The following ADAM12 variants were observed in gnomAD, a reference collection of about 807,000 sequenced individuals.
ADAM12 encodes the protein ADAM metallopeptidase domain 12, also known as disintegrin and metalloproteinase domain-containing protein 12.
Under a neutral mutation model 106.4 loss-of-function variants are expected in ADAM12, and 70 were observed. The observed-to-expected ratio is 0.66, with a 90% CI of 0.54 to 0.80. The LOEUF (loss-of-function observed/expected upper bound fraction) is 0.80. Among genes scored for constraint, ADAM12 ranks in the 30% least tolerant of loss-of-function variants. The pLI, the probability that ADAM12 is intolerant of heterozygous loss-of-function variation, is 0.00. For missense variants in ADAM12, 1,010 were observed against 1,171.9 expected, an observed-to-expected ratio of 0.86 and a Z score of 2.02; for synonymous variants, 420 against 433.5, an observed-to-expected ratio of 0.97 and a Z score of 0.39.
At chr10:126,317,395 A>G (rs1279570419) in intron 2 of ADAM12, among the ~76,000 whole-genome samples, 1 of 152,234 alleles carries the variant, frequency 6.6e-6, no homozygotes, top group Non-Finnish European at 1.5e-5. Context: ...TAGTAGGTTC[A>G]AGCAAAAAGA....
intron 6 of ADAM12, among the ~76,000 whole-genome samples, chr10:126,115,163 A>G (rs1278386): frequency 0.64 from 97,342 of 152,032 alleles, 31,673 homozygotes; most frequent in African/African-American, 0.77. Flanking sequence ...CAACTTTTCT[A>G]TTTGACTCAT....
rs1855270756 is a variant in ADAM12 at position 126,349,378 on chromosome 10, C to T, written c.89-18869G>A. 3.9e-5 allele frequency among the ~76,000 whole-genome samples: 6 copies of T among 152,204 alleles called. No individual in the cohort carries two copies. In the South Asian group the frequency reaches 1.2e-3, roughly 31 times the overall value. The stretch of plus-strand genomic sequence containing the variant: ...AAATATTTCAAAACTGAATTTATAT[C>T]TTTCTAACACATGGTTTATATAGGG... On this transcript the variant is annotated intron_variant, in intron 1 of 22. Coordinates refer to ENST00000448723, the MANE Select transcript of ADAM12 (RefSeq NM_001288973.2).
At chr10:126,283,494 A>G (rs185295143) in intron 2 of ADAM12, among the ~76,000 whole-genome samples, 1 of 152,308 alleles carries the variant, frequency 6.6e-6, no homozygotes, top group East Asian at 1.9e-4. Flanking sequence ...GGCAGCCCCA[A>G]TCTGCTGACT....
intron 4 of ADAM12, among the ~76,000 whole-genome samples, chr10:126,151,667 G>A (rs1956730583): frequency 6.6e-6 from 1 of 151,704 alleles, no homozygotes; most frequent in Non-Finnish European, 1.5e-5. Flanking sequence ...TTATATGTTA[G>A]TTAAAACTCA....
intron 5 of ADAM12, among the ~76,000 whole-genome samples, chr10:126,132,252 C>T (rs1263749119): frequency 2.0e-5 from 3 of 152,188 alleles, no homozygotes; most frequent in African/African-American, 7.2e-5. Flanking sequence ...GGATTACAGG[C>T]GTGAGCCACC....
At chr10:126,073,943 A>G (rs138992213) in intron 11 of ADAM12, among the ~76,000 whole-genome samples, 2,412 of 152,366 alleles carry the variant, frequency 0.016, 41 homozygotes, top group Non-Finnish European at 0.023. Context: ...TAATTGGTAT[A>G]TTACACAGGG....
intron 8 of ADAM12, among the ~76,000 whole-genome samples, chr10:126,106,152 T>TGGC (rs1955762645): frequency 6.6e-6 from 1 of 152,124 alleles, no homozygotes; most frequent in Admixed American, 6.5e-5. Context: ...CAGCCTCTGC[T>TGGC]TGGTCATCAT....
chr10:126,097,556 G>T (rs976404527), intron 10 of ADAM12, among the ~76,000 whole-genome samples: 68 of 152,302 alleles, frequency 4.5e-4, no homozygotes, highest in African/African-American at 1.6e-3. Flanking sequence ...ATTCACACAT[G>T]TTCTGTTTAA....
At chr10:126,067,583 A>G (rs911638100) in intron 12 of ADAM12, among the ~76,000 whole-genome samples, 1 of 152,238 alleles carries the variant, frequency 6.6e-6, no homozygotes, top group African/African-American at 2.4e-5. Flanking sequence ...CAAAAACAAG[A>G]GATTGACATT....
chr10:126,204,425 C>A (rs1957759012), intron 3 of ADAM12, among the ~76,000 whole-genome samples: 1 of 152,198 alleles, frequency 6.6e-6, no homozygotes, highest in Non-Finnish European at 1.5e-5. Flanking sequence ...CCTCACCTAG[C>A]AGTGCCACCT....
chr10:126,192,614 C>T (rs1366216286), intron 3 of ADAM12, among the ~76,000 whole-genome samples: 1 of 152,240 alleles, frequency 6.6e-6, no homozygotes, highest in Admixed American at 6.5e-5. Flanking sequence ...ATCGCACATA[C>T]TTAACTTACA....
chr10:126,041,910 C>T, intron 18 of ADAM12: 1 of 1,409,284 alleles, frequency 7.1e-7, no homozygotes, highest in African/African-American at 1.4e-5. Context: ...CATGTTTTAG[C>T]AGAAGCTCAA....
intron 5 of ADAM12, among the ~76,000 whole-genome samples, chr10:126,131,661 C>T (rs994568193): frequency 2.6e-5 from 4 of 152,172 alleles, no homozygotes; most frequent in African/African-American, 9.7e-5. Flanking sequence ...TAATGACTGC[C>T]TGGAAGCCAA....
intron 3 of ADAM12, among the ~76,000 whole-genome samples, chr10:126,200,042 C>A (rs1284979556): frequency 6.6e-6 from 1 of 152,154 alleles, no homozygotes; most frequent in African/African-American, 2.4e-5. Flanking sequence ...CACTAGTTAC[C>A]AGACAATTAC....
rs1255568661 is a variant in ADAM12, at chr10:126,279,618, T to C, written c.187-630A>G. On this transcript the variant is annotated intron_variant, in intron 2 of 22. Transcript: ENST00000448723. ...GGCACACCCCTGTAATCCCAGCTAC[T>C]CAGGAGGCTGAAGCAGGAGAATCGC... Among the ~76,000 whole-genome samples, 4 of 151,626 alleles carry C rather than the reference T, an allele frequency of 2.6e-5. No homozygotes were observed. In the South Asian group the frequency reaches 6.2e-4, roughly 24 times the overall value.
chr10:126,309,896 C>T (rs796489949), intron 2 of ADAM12, among the ~76,000 whole-genome samples: 22 of 152,174 alleles, frequency 1.4e-4, no homozygotes, highest in African/African-American at 4.8e-4. Flanking sequence ...CAGTGGCTCA[C>T]GCAGGTAATC....
intron 1 of ADAM12, among the ~76,000 whole-genome samples, chr10:126,351,796 A>C (rs1237586061): frequency 6.6e-6 from 1 of 152,130 alleles, no homozygotes; most frequent in Non-Finnish European, 1.5e-5. Flanking sequence ...CCCAGTGAGA[A>C]GTGCTGAGTG....
chr10:126,062,434 C>T (rs1351106624), intron 14 of ADAM12, among the ~76,000 whole-genome samples: 1 of 152,108 alleles, frequency 6.6e-6, no homozygotes, highest in Admixed American at 6.5e-5. Context: ...CTCCAGCCTC[C>T]CCCTCCATCA....
At chr10:126,120,978 C>CATATGA (rs1565073625) in intron 5 of ADAM12, among the ~76,000 whole-genome samples, 4 of 31,058 alleles carry the variant, frequency 1.3e-4, no homozygotes, top group African/African-American at 3.8e-4. Context: ...ATTACATATG[C>CATATGA]AATATAGCAT....
Sources: gnomAD v4.1 joint callset for allele counts (sites outside exome capture counted in the v4.1 genomes callset) on GRCh38, gnomAD v4.1.1 for gene constraint, MANE v1.5 for transcripts, NCBI Gene and HGNC (gene_info 2026-07-23, HGNC 2026-07-21) for gene names.